The following SLC24A2 variants were observed in gnomAD, a reference collection of about 807,000 sequenced individuals.
SLC24A2 encodes solute carrier family 24 member 2, also known as sodium/potassium/calcium exchanger 2.
A neutral mutation model predicts 62.0 loss-of-function variants in SLC24A2; 36 were observed. The observed-to-expected ratio is 0.58, with a 90% CI of 0.44 to 0.77. The LOEUF (loss-of-function observed/expected upper bound fraction) is 0.77. SLC24A2 is among the 30% of genes least tolerant of loss of function. The probability of loss-of-function intolerance (pLI) is 0.00; values close to 1 mark genes in which losing one functional copy is unlikely to be tolerated. For synonymous variants in SLC24A2, 358 were observed against 294.0 expected (o/e 1.22, Z -2.23); for missense variants, 846 against 817.9 (o/e 1.03, Z -0.42).
chr9:19,511,555 C>G lies in SLC24A2; in HGVS notation c.*4598G>C, dbSNP rs1382461964. ...CCCTTTCCTTATTATTCTATTTTTT[C>G]TCCTACCCCTCTCTTAATGACAAGG... On this transcript the variant is annotated 3_prime_UTR_variant, in exon 11 of 11. Coordinates refer to ENST00000341998, the MANE Select transcript of SLC24A2 (RefSeq NM_020344.4). The G allele has an allele frequency of 6.6e-6, 1 of 151,978 alleles. No homozygotes were observed. The highest frequency in any genetic ancestry group is 2.4e-5 in the African/African-American group (1 of 41,346). The allele number at this position is 151,978 out of a possible 1,614,324, so 9.4% of individuals were successfully genotyped here.
the SLC24A2 span, among the ~76,000 whole-genome samples, chr9:20,246,359 C>A: frequency 6.6e-6 from 1 of 152,156 alleles, no homozygotes; most frequent in Non-Finnish European, 1.5e-5. Context: ...TCAGAGATAG[C>A]TCCTTCTGCA....
chr9:20,069,245 T>G, the SLC24A2 span, among the ~76,000 whole-genome samples: 5 of 152,230 alleles, frequency 3.3e-5, no homozygotes, highest in African/African-American at 1.2e-4. Context: ...TGCACAGAAT[T>G]ACATCGTTTT....
intron 2 of SLC24A2, among the ~76,000 whole-genome samples, chr9:19,739,812 A>T (rs1262319438): frequency 1.3e-5 from 2 of 152,232 alleles, no homozygotes; most frequent in Admixed American, 1.3e-4. Context: ...AAGTCTGATA[A>T]ATTGGACTAC....
chr9:19,544,458 T>C (rs370479211), intron 8 of SLC24A2, among the ~76,000 whole-genome samples: 1 of 152,136 alleles, frequency 6.6e-6, no homozygotes, highest in South Asian at 2.1e-4. Flanking sequence ...ATGTGTGAAT[T>C]TGATTCTGTC....
At chr9:19,561,590 A>C (rs1302888014) in intron 7 of SLC24A2, among the ~76,000 whole-genome samples, 1 of 151,756 alleles carries the variant, frequency 6.6e-6, no homozygotes, top group African/African-American at 2.4e-5. Context: ...GCGTGCCACC[A>C]CACCTGGCTA....
chr9:19,511,824 A>T lies in SLC24A2; in HGVS notation c.*4329T>A, dbSNP rs1340122638. On this transcript the variant is annotated 3_prime_UTR_variant, in exon 11 of 11. Coordinates refer to ENST00000341998, the MANE Select transcript of SLC24A2 (RefSeq NM_020344.4). Reference sequence around the variant, plus strand: ...GGGCCACCTACTTACCAGAAAAACAATCTGTCCAGGTGCAAGGAGGCATAG... The same window carrying T: ...GGGCCACCTACTTACCAGAAAAACATTCTGTCCAGGTGCAAGGAGGCATAG... 1 of 152,160 alleles carries T rather than the reference A, an allele frequency of 6.6e-6. No individual in the cohort carries two copies. Among genetic ancestry groups the T allele is most frequent in the Non-Finnish European group, 1.5e-5 (1 of 68,012 alleles). The allele number at this position is 152,160 out of a possible 1,614,324, so 9.4% of individuals were successfully genotyped here.
the SLC24A2 span, among the ~76,000 whole-genome samples, chr9:20,288,493 G>A: frequency 6.6e-6 from 1 of 152,134 alleles, no homozygotes; most frequent in Non-Finnish European, 1.5e-5. Flanking sequence ...AAAGGGCCAG[G>A]TGCGGTGACT....
chr9:20,104,373 G>C, the SLC24A2 span, among the ~76,000 whole-genome samples: 37 of 152,122 alleles, frequency 2.4e-4, no homozygotes, highest in African/African-American at 8.0e-4. Flanking sequence ...TCCTCGAGAA[G>C]AGCAACTCCA....
chr9:20,257,803 G>T, the SLC24A2 span, among the ~76,000 whole-genome samples: 1 of 152,102 alleles, frequency 6.6e-6, no homozygotes, highest in Non-Finnish European at 1.5e-5. Flanking sequence ...AATAAATAAT[G>T]GTTCCCATCC....
At chr9:19,726,609 A>G (rs1821178103) in intron 2 of SLC24A2, among the ~76,000 whole-genome samples, 1 of 152,202 alleles carries the variant, frequency 6.6e-6, no homozygotes. Context: ...TGCTCTCTTC[A>G]TAATGATTAT....
the SLC24A2 span, among the ~76,000 whole-genome samples, chr9:19,867,257 T>C: frequency 1.3e-5 from 2 of 152,182 alleles, no homozygotes; most frequent in Non-Finnish European, 2.9e-5. Context: ...TGATAGTCCA[T>C]CATTTTTTCT....
chr9:19,809,439 G>A, the SLC24A2 span, among the ~76,000 whole-genome samples: 92 of 152,274 alleles, frequency 6.0e-4, no homozygotes, highest in African/African-American at 2.0e-3. Flanking sequence ...CAGGAGTTAA[G>A]AAGAAATTAC....
At chr9:19,909,004 A>G in the SLC24A2 span, among the ~76,000 whole-genome samples, 4 of 152,180 alleles carry the variant, frequency 2.6e-5, no homozygotes, top group African/African-American at 9.7e-5. Context: ...AGGATTATAA[A>G]TCATGCTGCT....
the SLC24A2 span, among the ~76,000 whole-genome samples, chr9:19,947,804 A>AG: frequency 2.2e-3 from 47 of 21,682 alleles, no homozygotes; most frequent in African/African-American, 5.5e-3. Flanking sequence ...AAAAAAAAAA[A>AG]AAAAAAAGAA....
chr9:19,534,164 T>G (rs1209305828), intron 8 of SLC24A2, among the ~76,000 whole-genome samples: 1 of 152,128 alleles, frequency 6.6e-6, no homozygotes, highest in Non-Finnish European at 1.5e-5. Context: ...TAATCAGCTG[T>G]GGGGGGAAAA....
At chr9:20,060,932 T>A in the SLC24A2 span, among the ~76,000 whole-genome samples, 2 of 152,070 alleles carry the variant, frequency 1.3e-5, no homozygotes, top group African/African-American at 4.8e-5. Flanking sequence ...AATAATTTCA[T>A]TTACAAAAAT....
At chr9:19,914,081 G>A in the SLC24A2 span, among the ~76,000 whole-genome samples, 1 of 151,994 alleles carries the variant, frequency 6.6e-6, no homozygotes, top group South Asian at 2.1e-4. Flanking sequence ...TTCCTCCTCT[G>A]CTTCACTACA....
chr9:20,054,461 G>A, the SLC24A2 span, among the ~76,000 whole-genome samples: 2 of 152,168 alleles, frequency 1.3e-5, no homozygotes, highest in Non-Finnish European at 2.9e-5. Context: ...CAAAGTGCTG[G>A]AATTACAGGC....
At chr9:20,214,069 T>A in the SLC24A2 span, among the ~76,000 whole-genome samples, 2 of 152,226 alleles carry the variant, frequency 1.3e-5, no homozygotes, top group African/African-American at 2.4e-5. Flanking sequence ...AAATATTTCC[T>A]TGTAGGTATA....
Sources: allele counts gnomAD v4.1 joint callset (sites outside exome capture counted in the v4.1 genomes callset), GRCh38; gene constraint gnomAD v4.1.1; transcripts MANE v1.5; gene names NCBI Gene and HGNC (gene_info 2026-07-23, HGNC 2026-07-21).